The following UNC5C variants were observed in gnomAD, a reference collection of about 807,000 sequenced individuals.
UNC5C encodes the protein netrin receptor UNC5C.
In UNC5C, 47 loss-of-function variants were observed where a neutral mutation model predicts 99.8. The observed-to-expected ratio is 0.47, with a 90% CI of 0.37 to 0.60. The LOEUF is 0.60. Among genes scored for constraint, UNC5C ranks in the 20% least tolerant of loss-of-function variants. The pLI is 0.00. For synonymous variants in UNC5C, 487 were observed against 452.2 expected (o/e 1.08, Z -0.98); for missense variants, 1,062 against 1,165.9 (o/e 0.91, Z 1.30).
chr4:95,355,221 G>A (rs139024750), intron 1 of UNC5C, among the ~76,000 whole-genome samples: 9 of 152,178 alleles, frequency 5.9e-5, no homozygotes, highest in African/African-American at 1.9e-4. Flanking sequence ...GCAATGTGGC[G>A]ACAGTGTGTG....
At chr4:95,399,273 A>G (rs1745616393) in intron 1 of UNC5C, among the ~76,000 whole-genome samples, 1 of 152,198 alleles carries the variant, frequency 6.6e-6, no homozygotes, top group Admixed American at 6.5e-5. Context: ...TTAAATACCA[A>G]TTACTTTAAT....
At chr4:95,448,111 T>G (rs948453576) in intron 1 of UNC5C, among the ~76,000 whole-genome samples, 2 of 151,992 alleles carry the variant, frequency 1.3e-5, no homozygotes, top group African/African-American at 4.8e-5. Context: ...TCTGATAGTC[T>G]CACCCTGATA....
At chr4:95,190,277 G>A (rs186568515) in intron 12 of UNC5C, among the ~76,000 whole-genome samples, 1,981 of 151,468 alleles carry the variant, frequency 0.013, 54 homozygotes, top group African/African-American at 0.044. Context: ...ACTCATAGGT[G>A]GGAATTGAAC....
chr4:95,187,374 T>C (rs1736872633), intron 12 of UNC5C, among the ~76,000 whole-genome samples: 1 of 152,162 alleles, frequency 6.6e-6, no homozygotes, highest in Non-Finnish European at 1.5e-5. Context: ...GTCGAAATTA[T>C]CTCCCTGGGA....
At chr4:95,218,220 T>C (rs1226173346) in intron 9 of UNC5C, among the ~76,000 whole-genome samples, 1 of 152,204 alleles carries the variant, frequency 6.6e-6, no homozygotes, top group Non-Finnish European at 1.5e-5. Flanking sequence ...AGGAAGCCAT[T>C]AACCCTTTTA....
intron 1 of UNC5C, among the ~76,000 whole-genome samples, chr4:95,370,745 G>A (rs949711447): frequency 3.9e-5 from 6 of 152,118 alleles, no homozygotes; most frequent in East Asian, 1.9e-4. Context: ...TAATTACCGC[G>A]TACAGGTTTA....
At chr4:95,334,658 T>A (rs971106120) in intron 2 of UNC5C, among the ~76,000 whole-genome samples, 1 of 151,936 alleles carries the variant, frequency 6.6e-6, no homozygotes, top group African/African-American at 2.4e-5. Flanking sequence ...ATCCTTTATA[T>A]CTAATTGAAA....
chr4:95,298,695 A>G (rs889065184), intron 3 of UNC5C, among the ~76,000 whole-genome samples: 9 of 151,976 alleles, frequency 5.9e-5, no homozygotes, highest in African/African-American at 2.2e-4. Context: ...ATGATCATTC[A>G]TTTTATTTAG....
intron 1 of UNC5C, among the ~76,000 whole-genome samples, chr4:95,513,820 C>T (rs977872502): frequency 6.6e-6 from 1 of 152,112 alleles, no homozygotes; most frequent in African/African-American, 2.4e-5. Context: ...ACCATCATGA[C>T]AAGTCTCTTA....
intron 1 of UNC5C, among the ~76,000 whole-genome samples, chr4:95,547,378 G>T (rs1723098406): frequency 6.6e-6 from 1 of 151,872 alleles, no homozygotes; most frequent in Admixed American, 6.6e-5. Context: ...GCTCTCCTCC[G>T]CTTCCAACAC....
intron 13 of UNC5C, among the ~76,000 whole-genome samples, chr4:95,184,479 G>C (rs1480484792): frequency 2.0e-5 from 3 of 152,210 alleles, no homozygotes; most frequent in Non-Finnish European, 4.4e-5. Flanking sequence ...AGCTCAGGCT[G>C]ACGGATGAAG....
intron 1 of UNC5C, among the ~76,000 whole-genome samples, chr4:95,517,219 C>T (rs1168969828): frequency 6.6e-6 from 1 of 152,074 alleles, no homozygotes; most frequent in Non-Finnish European, 1.5e-5. Context: ...TATCTTATTC[C>T]TCAAATCCAA....
intron 2 of UNC5C, among the ~76,000 whole-genome samples, chr4:95,313,512 C>A (rs988454579): frequency 6.6e-6 from 1 of 152,050 alleles, no homozygotes; most frequent in East Asian, 1.9e-4. Context: ...TCCTTATTGA[C>A]CCTCTAAAAA....
chr4:95,500,232 C>A (rs942607097), intron 1 of UNC5C, among the ~76,000 whole-genome samples: 9 of 151,970 alleles, frequency 5.9e-5, no homozygotes, highest in Admixed American at 3.3e-4. Flanking sequence ...CCTTATCATG[C>A]CACAACGAAT....
chr4:95,498,560 A>C (rs2149483663), intron 1 of UNC5C, among the ~76,000 whole-genome samples: 1 of 152,182 alleles, frequency 6.6e-6, no homozygotes, highest in Non-Finnish European at 1.5e-5. Flanking sequence ...GCTAACATAT[A>C]ATGGTACGAT....
At chr4:95,449,514 T>A (rs927117724) in intron 1 of UNC5C, among the ~76,000 whole-genome samples, 1 of 152,178 alleles carries the variant, frequency 6.6e-6, no homozygotes, top group African/African-American at 2.4e-5. Context: ...GCTCATAAAA[T>A]AACAAAAATC....
chr4:95,503,690 T>TA (rs1721837517), intron 1 of UNC5C, among the ~76,000 whole-genome samples: 1 of 152,170 alleles, frequency 6.6e-6, no homozygotes, highest in African/African-American at 2.4e-5. Flanking sequence ...CAACATGCTT[T>TA]ATGTACTTTT....
rs138958261 is a variant in UNC5C at position 95,180,721 on chromosome 4, C to T, written c.2451+2176G>A. 2.2e-3 allele frequency among the ~76,000 whole-genome samples: 334 copies of T among 152,204 alleles called. 3 individuals carry two copies. The highest frequency in any genetic ancestry group is 7.8e-3 in the African/African-American group (324 of 41,504). On this transcript the variant is annotated intron_variant, in intron 14 of 15. Coordinates refer to ENST00000453304, the MANE Select transcript of UNC5C (RefSeq NM_003728.4). ...CTTTATAAATGACGACTGGTGAGTG[C>T]GTCCGGTGGTGGGTGGCTGGAGGGA...
intron 11 of UNC5C, among the ~76,000 whole-genome samples, 196 bp downstream of exon 11, chr4:95,206,432 A>G (rs577955567): frequency 1.3e-5 from 2 of 152,266 alleles, no homozygotes; most frequent in African/African-American, 4.8e-5. Context: ...ATGAGTGACC[A>G]TCATTTTCTG....
Sources: allele counts gnomAD v4.1 joint callset (sites outside exome capture counted in the v4.1 genomes callset), GRCh38; gene constraint gnomAD v4.1.1; transcripts MANE v1.5; gene names NCBI Gene and HGNC (gene_info 2026-07-23, HGNC 2026-07-21).